Variants in RAPGEF4 observed in about 807,000 individuals in gnomAD.
RAPGEF4 encodes RAP guanine-nucleotide-exchange factor (GEF) 4.
A neutral mutation model predicts 147.9 loss-of-function variants in RAPGEF4; 66 were observed. That is an observed-to-expected ratio of 0.45 (90% CI 0.37 to 0.55). The LOEUF is 0.55. Among genes scored for constraint, RAPGEF4 ranks in the 20% least tolerant of loss-of-function variants. RAPGEF4 has a pLI of 0.00. For synonymous variants in RAPGEF4, 419 were observed against 442.7 expected, an observed-to-expected ratio of 0.95 and a Z score of 0.67; for missense variants, 1,071 against 1,257.3, an observed-to-expected ratio of 0.85 and a Z score of 2.24.
intron 1 of RAPGEF4, among the ~76,000 whole-genome samples, chr2:172,755,810 A>C (rs1164110380): frequency 6.6e-6 from 1 of 152,238 alleles, no homozygotes; most frequent in African/African-American, 2.4e-5. Context: ...ACCATACTAC[A>C]GTACAATGTC....
chr2:172,764,908 A>G (rs868479422), intron 1 of RAPGEF4, among the ~76,000 whole-genome samples: 10 of 152,208 alleles, frequency 6.6e-5, no homozygotes, highest in South Asian at 4.1e-4. Context: ...GTGAATTTCT[A>G]TGGGACCATG....
intron 4 of RAPGEF4, among the ~76,000 whole-genome samples, chr2:172,878,268 A>G (rs1696191183): frequency 1.3e-5 from 2 of 152,128 alleles, no homozygotes; most frequent in African/African-American, 2.4e-5. Context: ...ACCTCCCCTA[A>G]TCATTCTCTT....
chr2:172,955,383 A>G (rs1688620982), intron 6 of RAPGEF4, among the ~76,000 whole-genome samples: 1 of 152,194 alleles, frequency 6.6e-6, no homozygotes, highest in Non-Finnish European at 1.5e-5. Context: ...AAGGCAGTAG[A>G]AAGAGCATCC....
chr2:172,746,699 G>A (rs1394612348), intron 1 of RAPGEF4, among the ~76,000 whole-genome samples: 9 of 151,384 alleles, frequency 5.9e-5, no homozygotes, highest in African/African-American at 1.2e-4. Context: ...TGCAAACTCC[G>A]CCTCCCGGGT....
intron 3 of RAPGEF4, among the ~76,000 whole-genome samples, chr2:172,807,004 T>C (rs1687562784): frequency 6.6e-6 from 1 of 152,242 alleles, no homozygotes; most frequent in African/African-American, 2.4e-5. Flanking sequence ...TTTCACTCCG[T>C]TATTTTCAAA....
intron 1 of RAPGEF4, among the ~76,000 whole-genome samples, chr2:172,771,057 G>A (rs1231597023): frequency 6.6e-6 from 1 of 151,948 alleles, no homozygotes. Flanking sequence ...ACATAGGCTG[G>A]TCATTTATAA....
chr2:173,003,293 C>A (rs73017516), intron 17 of RAPGEF4, among the ~76,000 whole-genome samples: 1 of 152,006 alleles, frequency 6.6e-6, no homozygotes, highest in East Asian at 1.9e-4. Context: ...ATGATACTGG[C>A]GGGCAGGGAG....
intron 6 of RAPGEF4, among the ~76,000 whole-genome samples, chr2:172,923,259 G>A (rs1483157808): frequency 6.6e-6 from 1 of 152,046 alleles, no homozygotes; most frequent in African/African-American, 2.4e-5. Context: ...CTTGGGAGGT[G>A]GGGGTTGATT....
intron 4 of RAPGEF4, among the ~76,000 whole-genome samples, chr2:172,887,157 G>A (rs779409324): frequency 2.0e-5 from 3 of 148,048 alleles, no homozygotes; most frequent in Admixed American, 6.8e-5. Context: ...ACTGCAGTCC[G>A]CAGTCCGGCC....
At chr2:173,043,147 G>A (rs912534776) in intron 29 of RAPGEF4, among the ~76,000 whole-genome samples, 1 of 152,208 alleles carries the variant, frequency 6.6e-6, no homozygotes, top group Non-Finnish European at 1.5e-5. Flanking sequence ...GGAGGTCTGA[G>A]TGAAATAATC....
chr2:172,953,058 C>T (rs964842213), intron 6 of RAPGEF4, among the ~76,000 whole-genome samples: 24 of 152,092 alleles, frequency 1.6e-4, no homozygotes, highest in Admixed American at 3.3e-4. Context: ...TTTACAGACT[C>T]ACCATGCAGT....
chr2:172,901,821 G>A (rs1386469881), intron 4 of RAPGEF4, among the ~76,000 whole-genome samples: 2 of 152,164 alleles, frequency 1.3e-5, no homozygotes, highest in Non-Finnish European at 2.9e-5. Context: ...TAGGGTCTGG[G>A]TATGCACTGA....
At chr2:173,034,890 AC>A (rs1315021351) in intron 27 of RAPGEF4, among the ~76,000 whole-genome samples, 3 of 151,604 alleles carry the variant, frequency 2.0e-5, no homozygotes, top group Non-Finnish European at 4.4e-5. Context: ...ACACACACAC[AC>A]ACACACACAC....
chr2:173,016,466 G>A, intron 19 of RAPGEF4, 29 bp downstream of exon 19: 2 of 1,543,618 alleles, frequency 1.3e-6, no homozygotes, highest in Non-Finnish European at 1.8e-6. Context: ...GTGGGGGTGT[G>A]CTTTCATCAA....
intron 15 of RAPGEF4, 128 bp from the exon 16 acceptor site, chr2:172,996,338 C>G (rs1198257719): frequency 1.9e-6 from 1 of 525,034 alleles, no homozygotes; most frequent in African/African-American, 2.0e-5. Context: ...TGTGGTCTCT[C>G]TTACCATGAA....
chr2:172,994,039 C>T (rs1693080206), intron 15 of RAPGEF4, among the ~76,000 whole-genome samples: 1 of 152,144 alleles, frequency 6.6e-6, no homozygotes, highest in Non-Finnish European at 1.5e-5. Context: ...CAAAGAATAC[C>T]AGAATGTGAA....
rs1015763350 is a variant in RAPGEF4 at position 172,885,435 on chromosome 2, C to T, written c.445-32367C>T. On this transcript the variant is annotated intron_variant, in intron 4 of 30. Transcript: ENST00000397081. ...CTACTGGTTTAGGTTCCCAGCTGGT[C>T]GCCCTGTGTATTAGTCCATTTCATG... Among the ~76,000 whole-genome samples, 18 of 152,276 alleles carry T rather than the reference C, an allele frequency of 1.2e-4. 2 individuals are homozygous for T. The highest frequency in any genetic ancestry group is 8.5e-4 in the Admixed American group (13 of 15,304).
At chr2:172,862,022 C>T (rs1489103092) in intron 4 of RAPGEF4, among the ~76,000 whole-genome samples, 4 of 152,142 alleles carry the variant, frequency 2.6e-5, no homozygotes, top group African/African-American at 9.7e-5. Flanking sequence ...GCGGCAATGG[C>T]CAAATGAGGT....
At chr2:172,838,274 T>C (rs1691185760) in intron 4 of RAPGEF4, among the ~76,000 whole-genome samples, 1 of 152,092 alleles carries the variant, frequency 6.6e-6, no homozygotes, top group African/African-American at 2.4e-5. Flanking sequence ...CTCAAAAATA[T>C]CTTCCCCATT....
Sources: gnomAD v4.1 joint callset for allele counts (sites outside exome capture counted in the v4.1 genomes callset) on GRCh38, gnomAD v4.1.1 for gene constraint, MANE v1.5 for transcripts, NCBI Gene and HGNC (gene_info 2026-07-23, HGNC 2026-07-21) for gene names.